The following SGCZ variants were observed in gnomAD, a reference collection of about 807,000 sequenced individuals.
The protein encoded by SGCZ is zeta-sarcoglycan.
In SGCZ, 40 loss-of-function variants were observed where a neutral mutation model predicts 41.3. That is an observed-to-expected ratio of 0.97 (90% CI 0.75 to 1.26). The LOEUF (loss-of-function observed/expected upper bound fraction) is 1.26. SGCZ is among the 50% of genes most tolerant of loss of function. SGCZ has a pLI of 0.00. For synonymous variants in SGCZ, 206 were observed against 137.5 expected, an observed-to-expected ratio of 1.50 and a Z score of -3.49; for missense variants, 552 against 369.8, an observed-to-expected ratio of 1.49 and a Z score of -4.04.
intron 2 of SGCZ, among the ~76,000 whole-genome samples, chr8:14,419,790 T>C (rs1360658816): frequency 6.6e-6 from 1 of 151,948 alleles, no homozygotes; most frequent in Non-Finnish European, 1.5e-5. Flanking sequence ...TAAGAATAAT[T>C]AGTATGTGTT....
chr8:14,610,324 T>G (rs546023964), intron 1 of SGCZ, among the ~76,000 whole-genome samples: 1 of 152,300 alleles, frequency 6.6e-6, no homozygotes, highest in Non-Finnish European at 1.5e-5. Context: ...ATGCCCTCCC[T>G]CTACAAGACA....
At chr8:15,201,310 C>G (rs1191066757) in intron 1 of SGCZ, among the ~76,000 whole-genome samples, 1 of 152,172 alleles carries the variant, frequency 6.6e-6, no homozygotes, top group South Asian at 2.1e-4. Context: ...AGCCCCCGTG[C>G]CAGGCCTAGA....
chr8:15,031,016 C>T (rs769339371), intron 1 of SGCZ, among the ~76,000 whole-genome samples: 4 of 151,752 alleles, frequency 2.6e-5, no homozygotes, highest in Non-Finnish European at 4.4e-5. Flanking sequence ...GAAATAAATC[C>T]GAATTTTATT....
At chr8:14,424,499 T>C (rs369386922) in intron 2 of SGCZ, among the ~76,000 whole-genome samples, 4 of 152,206 alleles carry the variant, frequency 2.6e-5, no homozygotes, top group Admixed American at 1.3e-4. Context: ...TGTGAGTATA[T>C]TGCAAAATAT....
At chr8:14,617,797 A>G (rs1219734026) in intron 1 of SGCZ, among the ~76,000 whole-genome samples, 1 of 152,074 alleles carries the variant, frequency 6.6e-6, no homozygotes, top group African/African-American at 2.4e-5. Context: ...TGGGAAAGAT[A>G]GTGCATGTTG....
chr8:14,833,557 G>A (rs1802600609), intron 1 of SGCZ, among the ~76,000 whole-genome samples: 1 of 152,126 alleles, frequency 6.6e-6, no homozygotes, highest in Non-Finnish European at 1.5e-5. Flanking sequence ...TTAGTACATG[G>A]TTTGATTTGA....
At chr8:14,565,028 C>T (rs1804317221) in intron 1 of SGCZ, among the ~76,000 whole-genome samples, 1 of 151,934 alleles carries the variant, frequency 6.6e-6, no homozygotes. Context: ...AGCAACCTAG[C>T]AACTGAATTT....
chr8:14,566,039 C>T (rs1323652434), intron 1 of SGCZ, among the ~76,000 whole-genome samples: 1 of 152,016 alleles, frequency 6.6e-6, no homozygotes, highest in Non-Finnish European at 1.5e-5. Context: ...GGTTATCTCA[C>T]TTATGGAGAT....
chr8:15,146,636 T>TA (rs1799044477), intron 1 of SGCZ, among the ~76,000 whole-genome samples: 1 of 152,200 alleles, frequency 6.6e-6, no homozygotes, highest in Non-Finnish European at 1.5e-5. Context: ...AAGATAATAC[T>TA]AAAAGAAATC....
rs192402159 is a variant in SGCZ at position 14,536,311 on chromosome 8, G to A, written c.234+18421C>T. On this transcript the variant is annotated intron_variant, in intron 2 of 7. Transcript: ENST00000382080. ...AAAGTAAAAGGAATTATTAAATTACGCTCAAAATTGCTACAAAGTCAGAAA... is the reference window on the plus strand; with the variant it reads ...AAAGTAAAAGGAATTATTAAATTACACTCAAAATTGCTACAAAGTCAGAAA... Among the ~76,000 whole-genome samples, 520 of 151,722 alleles carry A rather than the reference G, an allele frequency of 3.4e-3. 4 individuals are homozygous for A. The highest frequency in any genetic ancestry group is 0.012 in the African/African-American group (494 of 41,440).
intron 2 of SGCZ, among the ~76,000 whole-genome samples, chr8:14,507,967 T>C (rs10095577): frequency 0.087 from 13,264 of 151,860 alleles, 1,017 homozygotes; most frequent in African/African-American, 0.21. Flanking sequence ...GACGGGGTTT[T>C]TCCATGTTGG....
intron 1 of SGCZ, among the ~76,000 whole-genome samples, chr8:14,730,593 T>C (rs6981585): frequency 0.43 from 64,190 of 149,988 alleles, 17,559 homozygotes; most frequent in African/African-American, 0.77. Flanking sequence ...ATATTTGATC[T>C]GCTAACATCA....
intron 5 of SGCZ, among the ~76,000 whole-genome samples, chr8:14,143,327 G>C (rs1176078682): frequency 6.6e-6 from 1 of 152,026 alleles, no homozygotes; most frequent in Non-Finnish European, 1.5e-5. Context: ...TTTTTGTATA[G>C]CAGGAAAAAG....
At chr8:14,506,215 G>C (rs188682356) in intron 2 of SGCZ, among the ~76,000 whole-genome samples, 1 of 151,784 alleles carries the variant, frequency 6.6e-6, no homozygotes, top group Non-Finnish European at 1.5e-5. Flanking sequence ...ACAAAAAAAC[G>C]ATTTTCTAAC....
intron 1 of SGCZ, among the ~76,000 whole-genome samples, chr8:15,081,933 G>T (rs971741237): frequency 2.6e-5 from 4 of 152,194 alleles, no homozygotes; most frequent in African/African-American, 9.6e-5. Context: ...CTAATGGGTT[G>T]AGATACTATA....
intron 1 of SGCZ, among the ~76,000 whole-genome samples, chr8:15,145,883 T>C (rs148562563): frequency 4.6e-5 from 7 of 152,292 alleles, no homozygotes; most frequent in Admixed American, 4.6e-4. Context: ...TATATTTATC[T>C]CCTCTGCCTC....
At chr8:15,007,927 G>A (rs1208292797) in intron 1 of SGCZ, among the ~76,000 whole-genome samples, 1 of 151,954 alleles carries the variant, frequency 6.6e-6, no homozygotes, top group Non-Finnish European at 1.5e-5. Flanking sequence ...TGTTTTTATT[G>A]TAGTTCACAT....
At position 14,590,698 on chromosome 8, in the gene SGCZ, T is replaced by G. The variant is rs1279513725; in HGVS notation, c.40-35772A>C. On this transcript the variant is annotated intron_variant, in intron 1 of 7. Transcript: ENST00000382080. ...AGATATATTTCCTAGTACATATATA[T>G]GTATAAACAGTATATACTATATGTA... Among the ~76,000 whole-genome samples the G allele has an allele frequency of 2.7e-5, 4 of 148,814 alleles. No individual in the cohort carries two copies. In the South Asian group the frequency reaches 8.4e-4, roughly 31 times the overall value.
intron 2 of SGCZ, among the ~76,000 whole-genome samples, chr8:14,489,934 C>G (rs1279375112): frequency 6.9e-6 from 1 of 144,926 alleles, no homozygotes; most frequent in African/African-American, 2.6e-5. Context: ...GTGGCACGAT[C>G]TTGGCTCACT....
Sources: gnomAD v4.1 joint callset for allele counts (sites outside exome capture counted in the v4.1 genomes callset) on GRCh38, gnomAD v4.1.1 for gene constraint, MANE v1.5 for transcripts, NCBI Gene and HGNC (gene_info 2026-07-23, HGNC 2026-07-21) for gene names.